Variants in TLK2 observed in about 807,000 individuals in gnomAD.
The protein encoded by TLK2 is tousled like kinase 2.
TLK2 carries 6 observed loss-of-function variants against 117.3 expected under a neutral mutation model. The observed-to-expected ratio is 0.05, with a 90% CI of 0.03 to 0.10. TLK2 has a LOEUF of 0.10. Among genes scored for constraint, TLK2 ranks in the 10% least tolerant of loss-of-function variants. TLK2 has a pLI of 1.00. For synonymous variants in TLK2, 257 were observed against 316.7 expected, an observed-to-expected ratio of 0.81 and a Z score of 2.00; for missense variants, 299 against 901.2, an observed-to-expected ratio of 0.33 and a Z score of 8.56.
intron 16 of TLK2, among the ~76,000 whole-genome samples, chr17:62,593,387 A>G (rs1255199598): frequency 6.6e-6 from 1 of 152,090 alleles, no homozygotes; most frequent in East Asian, 1.9e-4. Flanking sequence ...TTACTGTAAC[A>G]TTTTTGCTGT....
At chr17:62,540,423 T>TTTTTA (rs2077447509) in intron 7 of TLK2, among the ~76,000 whole-genome samples, 1 of 129,982 alleles carries the variant, frequency 7.7e-6, no homozygotes, top group African/African-American at 2.9e-5. Context: ...TTTTTTTTTT[T>TTTTTA]GAGACAGAGT....
In TLK2 at chr17:62,580,024, T is replaced by C. The variant is rs201423568; in HGVS notation, c.1287-87T>C. ...CCAACAGCAGCTATAATTATATGTA[T>C]AATGTGTTAGATATTCTGGGAATTT... is the stretch of plus-strand genomic sequence containing the variant. On this transcript the variant is annotated intron_variant, in intron 14 of 21. Coordinates refer to ENST00000346027, the MANE Select transcript of TLK2 (RefSeq NM_006852.6). 7 of 956,354 alleles carry C rather than the reference T, an allele frequency of 7.3e-6. No homozygotes were observed. In the East Asian group the frequency reaches 1.8e-4, roughly 24 times the overall value. 59.2% of individuals were successfully genotyped at this position (956,354 alleles called of 1,614,324 possible).
At chr17:62,539,253 C>A (rs1029324571) in intron 7 of TLK2, among the ~76,000 whole-genome samples, 1 of 151,978 alleles carries the variant, frequency 6.6e-6, no homozygotes, top group Non-Finnish European at 1.5e-5. Context: ...AAGCAGTTTC[C>A]CTTCCAGTAT....
chr17:62,571,552 C>G (rs987285036), intron 11 of TLK2, among the ~76,000 whole-genome samples: 1 of 152,042 alleles, frequency 6.6e-6, no homozygotes, highest in African/African-American at 2.4e-5. Context: ...TTCAGGCAAA[C>G]AGAAAACTCT....
intron 12 of TLK2, among the ~76,000 whole-genome samples, chr17:62,574,933 C>T (rs2080654879): frequency 6.6e-6 from 1 of 152,196 alleles, no homozygotes; most frequent in Non-Finnish European, 1.5e-5. Context: ...ATTTTCCTTT[C>T]AGCAAGTCCA....
chr17:62,477,503 T>G (rs956989225), upstream of TLK2: 1 of 152,162 alleles, frequency 6.6e-6, no homozygotes, highest in African/African-American at 2.4e-5. Context: ...CAGGTCTGTG[T>G]TCTGTTAAAA....
intron 1 of TLK2, among the ~76,000 whole-genome samples, chr17:62,471,888 C>CTGTTTTTTTT (rs2070946868): frequency 2.6e-5 from 1 of 37,776 alleles, no homozygotes; most frequent in Non-Finnish European, 4.4e-5. Flanking sequence ...GTAGTATAGT[C>CTGTTTTTTTT]TTTTTTTTTT....
intron 2 of TLK2, among the ~76,000 whole-genome samples, chr17:62,487,119 C>T (rs1224255398): frequency 2.6e-5 from 4 of 151,984 alleles, no homozygotes; most frequent in African/African-American, 9.7e-5. Context: ...TGCCAAAACC[C>T]GTCTCTACTA....
intron 7 of TLK2, among the ~76,000 whole-genome samples, chr17:62,538,143 C>T (rs1271300105): frequency 6.2e-5 from 9 of 144,380 alleles, no homozygotes; most frequent in South Asian, 4.5e-4. Flanking sequence ...TCACGCCATT[C>T]TCCTGCCTCA....
chr17:62,584,107 G>GTTTTTTTTTTTTTTTTTT (rs572000997), intron 15 of TLK2, among the ~76,000 whole-genome samples: 2 of 78,524 alleles, frequency 2.5e-5, no homozygotes, highest in African/African-American at 5.1e-5. Context: ...TTCTTTTGTG[G>GTTTTTTTTTTTTTTTTTT]TTTTTTTTTT....
At chr17:62,531,422 T>C (rs2076733209) in intron 6 of TLK2, among the ~76,000 whole-genome samples, 1 of 152,236 alleles carries the variant, frequency 6.6e-6, no homozygotes, top group South Asian at 2.1e-4. Context: ...CCTGCAGATA[T>C]TTTCAAGCCT....
chr17:62,573,043 T>C, intron 11 of TLK2, 172 bp from the exon 12 acceptor site: 1 of 633,004 alleles, frequency 1.6e-6, no homozygotes, highest in Non-Finnish European at 2.7e-6. Flanking sequence ...AGAAAACATC[T>C]ATCACCAATT....
chr17:62,570,190 AC>A (rs2080164127), intron 11 of TLK2, among the ~76,000 whole-genome samples: 2 of 152,194 alleles, frequency 1.3e-5, no homozygotes, highest in Non-Finnish European at 2.9e-5. Flanking sequence ...TGAGGTACTA[AC>A]GACTTTAACA....
intron 6 of TLK2, among the ~76,000 whole-genome samples, chr17:62,533,023 T>TA (rs2076848075): frequency 6.6e-6 from 1 of 152,178 alleles, no homozygotes; most frequent in Non-Finnish European, 1.5e-5. Flanking sequence ...GTTCATTAGT[T>TA]ATGTATATTA....
intron 2 of TLK2, among the ~76,000 whole-genome samples, chr17:62,512,212 CCTTT>C (rs2075198871): frequency 8.1e-6 from 1 of 122,928 alleles, no homozygotes; most frequent in Non-Finnish European, 1.6e-5. Context: ...CATCACCCCT[CCTTT>C]TTTTTTTTTT....
chr17:62,586,107 C>T, intron 15 of TLK2, 28 bp from the exon 16 acceptor site: 1 of 1,547,658 alleles, frequency 6.5e-7, no homozygotes, highest in East Asian at 2.3e-5. Flanking sequence ...TTAACATTTA[C>T]CCAGTATATA....
At chr17:62,503,631 C>G (rs1423513910) in intron 2 of TLK2, among the ~76,000 whole-genome samples, 1 of 151,686 alleles carries the variant, frequency 6.6e-6, no homozygotes, top group Non-Finnish European at 1.5e-5. Flanking sequence ...GTTGGCCAGG[C>G]TGCTCTTAAA....
intron 17 of TLK2, among the ~76,000 whole-genome samples, chr17:62,599,283 AAGATATTGTTC>A (rs2082703962): frequency 6.6e-6 from 1 of 152,330 alleles, no homozygotes; most frequent in South Asian, 2.1e-4. Flanking sequence ...TAAGATACAT[AAGATATTGTTC>A]AGTTTGTGGT....
chr17:62,565,479 C>T (rs2079689720), intron 11 of TLK2, among the ~76,000 whole-genome samples: 1 of 151,556 alleles, frequency 6.6e-6, no homozygotes, highest in Non-Finnish European at 1.5e-5. Context: ...ATGGTGAGAC[C>T]CTGTCTCTAC....
Sources: allele counts gnomAD v4.1 joint callset (sites outside exome capture counted in the v4.1 genomes callset), GRCh38; gene constraint gnomAD v4.1.1; transcripts MANE v1.5; gene names NCBI Gene and HGNC (gene_info 2026-07-23, HGNC 2026-07-21).